GPR39: variants seen among roughly 807,000 people sequenced by gnomAD.
The protein encoded by GPR39 is G protein-coupled receptor 39, also known as zinc sensing receptor.
Under a neutral mutation model 18.4 loss-of-function variants are expected in GPR39, and 23 were observed. That is an observed-to-expected ratio of 1.25 (90% confidence interval 0.90 to 1.77). The LOEUF is 1.77. Among genes scored for constraint, GPR39 ranks in the 40% most tolerant of loss-of-function variants. The pLI is 0.00. For missense variants in GPR39, 647 were observed against 602.4 expected (o/e 1.07, Z -0.78); for synonymous variants, 280 against 257.9 (o/e 1.09, Z -0.82).
chr2:132,555,054 C>A (rs931932971), intron 1 of GPR39, among the ~76,000 whole-genome samples: 1 of 152,028 alleles, frequency 6.6e-6, no homozygotes, highest in South Asian at 2.1e-4. Flanking sequence ...CAGGTTCAAG[C>A]GATTCTCCTG....
intron 1 of GPR39, among the ~76,000 whole-genome samples, chr2:132,597,897 C>G (rs1680973870): frequency 6.6e-6 from 1 of 152,198 alleles, no homozygotes; most frequent in Non-Finnish European, 1.5e-5. Flanking sequence ...ACAGGGTCTC[C>G]TGATCCCATA....
intron 1 of GPR39, among the ~76,000 whole-genome samples, chr2:132,526,097 C>A (rs902096878): frequency 1.3e-5 from 2 of 152,104 alleles, no homozygotes; most frequent in African/African-American, 4.8e-5. Context: ...CCTGGACCAA[C>A]CTGATATGAG....
intron 1 of GPR39, among the ~76,000 whole-genome samples, chr2:132,621,874 G>A (rs1225008858): frequency 2.6e-5 from 4 of 152,190 alleles, no homozygotes; most frequent in African/African-American, 9.7e-5. Flanking sequence ...TAAGTAAGAA[G>A]GCATCTTCTC....
At chr2:132,544,735 A>G (rs892502538) in intron 1 of GPR39, among the ~76,000 whole-genome samples, 31 of 152,208 alleles carry the variant, frequency 2.0e-4, no homozygotes, top group Admixed American at 5.2e-4. Context: ...TTCTTGTCTC[A>G]TGTCCAAGAA....
At position 132,417,689 on chromosome 2, in the gene GPR39, G is replaced by A. The variant is rs1256175639; in HGVS notation, c.647G>A (p.Arg216His). 1.9e-6 allele frequency: 3 copies of A among 1,614,016 alleles called. No individual in the cohort carries two copies. Among genetic ancestry groups the A allele is most frequent in the African/African-American group, 2.7e-5 (2 of 74,904 alleles). ...NMSICTNLSS[R>H]WTVFQSSIFG... Reference sequence around the variant, plus strand: ...TCCATCTGTACCAACCTCTCCAGCCGCTGGACCGTGTTCCAGTCCAGCATC... The same window carrying A: ...TCCATCTGTACCAACCTCTCCAGCCACTGGACCGTGTTCCAGTCCAGCATC... Residue 216 changes from arginine (R) to histidine (H), a missense_variant, in exon 1 of 2, where the codon CGC (arginine) becomes CAC (histidine). By Grantham distance (29) the Arg-to-His change is conservative. Transcript: ENST00000329321.
intron 1 of GPR39, among the ~76,000 whole-genome samples, chr2:132,515,380 C>T (rs182894089): frequency 4.0e-4 from 61 of 152,308 alleles, no homozygotes; most frequent in Admixed American, 6.5e-4. Flanking sequence ...GTATCCCCTG[C>T]AGCTAAAACA....
At chr2:132,642,562 A>G (rs1681875137) in intron 1 of GPR39, among the ~76,000 whole-genome samples, 1 of 152,232 alleles carries the variant, frequency 6.6e-6, no homozygotes, top group Non-Finnish European at 1.5e-5. Context: ...AGGGTCATGT[A>G]AACAACAGAT....
intron 1 of GPR39, among the ~76,000 whole-genome samples, chr2:132,606,842 T>C (rs1356142658): frequency 6.6e-6 from 1 of 152,148 alleles, no homozygotes; most frequent in East Asian, 1.9e-4. Context: ...GGCCGCTCAA[T>C]GGCCAAACTA....
intron 1 of GPR39, among the ~76,000 whole-genome samples, chr2:132,536,174 C>T (rs1679755455): frequency 2.6e-5 from 4 of 152,080 alleles, no homozygotes; most frequent in Admixed American, 6.6e-5. Context: ...GGGTGTCAAT[C>T]TGAGATCTCT....
intron 1 of GPR39, among the ~76,000 whole-genome samples, chr2:132,638,248 TA>T (rs1232728376): frequency 1.3e-5 from 2 of 152,238 alleles, no homozygotes; most frequent in East Asian, 3.9e-4. Context: ...AGTTTGGAGC[TA>T]CCGTCTGCTT....
At chr2:132,465,188 CA>C (rs929177880) in intron 1 of GPR39, among the ~76,000 whole-genome samples, 21 of 145,384 alleles carry the variant, frequency 1.4e-4, no homozygotes, top group East Asian at 2.0e-4. Flanking sequence ...AAAACAAAAG[CA>C]AAAAAAAAAG....
At chr2:132,639,267 G>A (rs1322833299) in intron 1 of GPR39, among the ~76,000 whole-genome samples, 2 of 151,374 alleles carry the variant, frequency 1.3e-5, no homozygotes, top group Admixed American at 6.6e-5. Context: ...ATAAAAGGGG[G>A]ATAAGGGCTG....
intron 1 of GPR39, among the ~76,000 whole-genome samples, chr2:132,426,986 A>G (rs1273400969): frequency 6.6e-6 from 1 of 151,902 alleles, no homozygotes; most frequent in Non-Finnish European, 1.5e-5. Context: ...TGAAGAGGAA[A>G]AAGATCAACT....
At chr2:132,492,202 TATACCATATATATAC>T (rs1325347685) in intron 1 of GPR39, among the ~76,000 whole-genome samples, 2 of 145,094 alleles carry the variant, frequency 1.4e-5, no homozygotes, top group East Asian at 2.1e-4. Context: ...ATACCATATA[TATACCATATATATAC>T]ATACCATATA....
At chr2:132,467,501 C>A (rs1455838878) in intron 1 of GPR39, among the ~76,000 whole-genome samples, 1 of 152,120 alleles carries the variant, frequency 6.6e-6, no homozygotes, top group Non-Finnish European at 1.5e-5. Flanking sequence ...ATACCCCAAA[C>A]CTCAGTATCA....
intron 1 of GPR39, among the ~76,000 whole-genome samples, chr2:132,538,765 G>A (rs1340636465): frequency 1.3e-5 from 2 of 152,186 alleles, no homozygotes; most frequent in East Asian, 1.9e-4. Context: ...GCCCTGCCCC[G>A]TGAGGAAGAA....
chr2:132,546,391 G>A (rs1309329479), intron 1 of GPR39, among the ~76,000 whole-genome samples: 2 of 152,202 alleles, frequency 1.3e-5, no homozygotes, highest in African/African-American at 2.4e-5. Flanking sequence ...TGGACAGATC[G>A]GGGGATAGGC....
At chr2:132,514,191 G>A (rs1297124304) in intron 1 of GPR39, among the ~76,000 whole-genome samples, 1 of 152,082 alleles carries the variant, frequency 6.6e-6, no homozygotes, top group Non-Finnish European at 1.5e-5. Flanking sequence ...GGATGCAGTG[G>A]GACCCAATTC....
At chr2:132,585,998 G>C (rs141714010) in intron 1 of GPR39, among the ~76,000 whole-genome samples, 1 of 132,082 alleles carries the variant, frequency 7.6e-6, no homozygotes, top group Non-Finnish European at 1.5e-5. Context: ...GTGACCAGTG[G>C]CACCGCAGAA....
Sources: gnomAD v4.1 joint callset for allele counts (sites outside exome capture counted in the v4.1 genomes callset) on GRCh38, gnomAD v4.1.1 for gene constraint, MANE v1.5 for transcripts, NCBI Gene and HGNC (gene_info 2026-07-23, HGNC 2026-07-21) for gene names.